The following SCHIP1 variants were observed in gnomAD, a reference collection of about 807,000 sequenced individuals.
The protein encoded by SCHIP1 is schwannomin interacting protein 1.
SCHIP1 carries 8 observed loss-of-function variants against 29.7 expected under a neutral mutation model. The ratio of observed to expected loss-of-function variants is 0.27; its 90% confidence interval spans 0.16 to 0.49. SCHIP1 has a LOEUF of 0.49. Among genes scored for constraint, SCHIP1 ranks in the 20% least tolerant of loss-of-function variants. The pLI is 0.99. For missense variants in SCHIP1, 193 were observed against 294.6 expected (o/e 0.66, Z 2.52); for synonymous variants, 76 against 94.9 (o/e 0.80, Z 1.16).
chr3:159,344,511 G>A, the SCHIP1 span, among the ~76,000 whole-genome samples: 1 of 152,126 alleles, frequency 6.6e-6, no homozygotes, highest in Non-Finnish European at 1.5e-5. Context: ...GGCACTTCAT[G>A]TCTGTTGATC....
chr3:159,320,510 G>T, the SCHIP1 span, among the ~76,000 whole-genome samples: 1 of 152,116 alleles, frequency 6.6e-6, no homozygotes, highest in African/African-American at 2.4e-5. Context: ...ACCTGGTTCT[G>T]GTGGTTCAGC....
chr3:159,469,741 T>A, the SCHIP1 span, among the ~76,000 whole-genome samples: 2 of 152,186 alleles, frequency 1.3e-5, no homozygotes, highest in African/African-American at 4.8e-5. Context: ...TTATTTCATT[T>A]ATTCAAAGAA....
the SCHIP1 span, among the ~76,000 whole-genome samples, chr3:159,698,985 C>G: frequency 2.6e-5 from 4 of 152,170 alleles, no homozygotes; most frequent in Non-Finnish European, 4.4e-5. Flanking sequence ...GCTCTACGAT[C>G]TTATTCTATC....
chr3:159,619,403 CA>C, the SCHIP1 span, among the ~76,000 whole-genome samples: 1 of 152,278 alleles, frequency 6.6e-6, no homozygotes, highest in African/African-American at 2.4e-5. Flanking sequence ...CAACTGGAGC[CA>C]TTGCCATTGG....
At chr3:159,410,656 A>G in the SCHIP1 span, among the ~76,000 whole-genome samples, 1 of 152,166 alleles carries the variant, frequency 6.6e-6, no homozygotes, top group Admixed American at 6.5e-5. Flanking sequence ...AGAAAAAAGA[A>G]TCCTTGTACA....
chr3:159,632,493 G>C, the SCHIP1 span, among the ~76,000 whole-genome samples: 1 of 152,164 alleles, frequency 6.6e-6, no homozygotes, highest in African/African-American at 2.4e-5. Context: ...CAGGCACCAA[G>C]GCTTTTCCCA....
the SCHIP1 span, among the ~76,000 whole-genome samples, chr3:159,396,327 G>C: frequency 6.7e-6 from 1 of 149,506 alleles, no homozygotes; most frequent in Non-Finnish European, 1.5e-5. Flanking sequence ...TACATTTAAA[G>C]TTAATATTGT....
chr3:159,430,867 C>T, the SCHIP1 span, among the ~76,000 whole-genome samples: 1 of 152,022 alleles, frequency 6.6e-6, no homozygotes, highest in African/African-American at 2.4e-5. Context: ...AGAAATGCCC[C>T]TCAATAGTAA....
the SCHIP1 span, among the ~76,000 whole-genome samples, chr3:159,766,185 G>A: frequency 6.6e-6 from 1 of 152,170 alleles, no homozygotes; most frequent in Admixed American, 6.5e-5. Flanking sequence ...CTGTGTGGCA[G>A]GTGGGAAAAT....
At chr3:159,377,751 A>T in the SCHIP1 span, among the ~76,000 whole-genome samples, 1 of 152,192 alleles carries the variant, frequency 6.6e-6, no homozygotes, top group Non-Finnish European at 1.5e-5. Flanking sequence ...ACACTTTTTT[A>T]AAAGTGTCTT....
At chr3:159,693,334 T>C in the SCHIP1 span, among the ~76,000 whole-genome samples, 1 of 152,118 alleles carries the variant, frequency 6.6e-6, no homozygotes, top group Non-Finnish European at 1.5e-5. Flanking sequence ...AAGGATAAAA[T>C]ATACGCACAC....
At chr3:159,535,328 A>G in the SCHIP1 span, among the ~76,000 whole-genome samples, 1 of 152,124 alleles carries the variant, frequency 6.6e-6, no homozygotes, top group African/African-American at 2.4e-5. Flanking sequence ...GGGTTTTGTT[A>G]CTATTCAAAA....
At chr3:159,741,083 G>C in the SCHIP1 span, among the ~76,000 whole-genome samples, 1 of 152,176 alleles carries the variant, frequency 6.6e-6, no homozygotes, top group African/African-American at 2.4e-5. Flanking sequence ...TCCCTGAAGA[G>C]AGGTATTGGT....
chr3:159,847,740 C>G (rs1311465511), intron 1 of SCHIP1, among the ~76,000 whole-genome samples: 1 of 152,108 alleles, frequency 6.6e-6, no homozygotes, highest in Non-Finnish European at 1.5e-5. Flanking sequence ...CCAGCACTGC[C>G]ACCTCCCCAC....
chr3:159,849,516 A>G (rs1200124207), intron 1 of SCHIP1, among the ~76,000 whole-genome samples: 1 of 152,192 alleles, frequency 6.6e-6, no homozygotes, highest in African/African-American at 2.4e-5. Context: ...AGTGCAGTGG[A>G]CTGAGGTCTG....
the SCHIP1 span, among the ~76,000 whole-genome samples, chr3:159,732,105 C>T: frequency 1.3e-5 from 2 of 152,226 alleles, no homozygotes; most frequent in Non-Finnish European, 2.9e-5. Flanking sequence ...CTTGGCCTCC[C>T]AAAGTGCTGG....
intron 2 of SCHIP1, among the ~76,000 whole-genome samples, chr3:159,882,554 A>G (rs986313417): frequency 1.3e-5 from 2 of 152,174 alleles, no homozygotes; most frequent in Non-Finnish European, 2.9e-5. Context: ...CCAATTCATA[A>G]TGACCACTGC....
chr3:159,627,470 G>A, the SCHIP1 span, among the ~76,000 whole-genome samples: 1 of 152,152 alleles, frequency 6.6e-6, no homozygotes, highest in African/African-American at 2.4e-5. Context: ...TATGAGGGAA[G>A]TACTATTATA....
At chr3:159,309,852 CATTGAGTGTTTAATATAT>C in the SCHIP1 span, among the ~76,000 whole-genome samples, 1 of 152,144 alleles carries the variant, frequency 6.6e-6, no homozygotes, top group Non-Finnish European at 1.5e-5. Context: ...AGAGGAAAAT[CATTGAGTGTTTAATATAT>C]CTGAAGTCAT....
Sources: allele counts gnomAD v4.1 joint callset (sites outside exome capture counted in the v4.1 genomes callset), GRCh38; gene constraint gnomAD v4.1.1; transcripts MANE v1.5; gene names NCBI Gene and HGNC (gene_info 2026-07-23, HGNC 2026-07-21).